L3MBTL4: variants seen among roughly 807,000 people sequenced by gnomAD.
L3MBTL4 encodes the protein L3MBTL histone methyl-lysine binding protein 4.
Under a neutral mutation model 84.5 loss-of-function variants are expected in L3MBTL4, and 70 were observed. The observed-to-expected ratio is 0.83, with a 90% CI of 0.68 to 1.01. The LOEUF is 1.01. L3MBTL4 is among the 50% of genes least tolerant of loss of function. The probability of loss-of-function intolerance (pLI) is 0.00; values close to 1 mark genes in which losing one functional copy is unlikely to be tolerated. For missense variants in L3MBTL4, 715 were observed against 754.8 expected (o/e 0.95, Z 0.62); for synonymous variants, 274 against 259.8 (o/e 1.05, Z -0.52).
intron 1 of L3MBTL4, among the ~76,000 whole-genome samples, chr18:6,355,185 A>G (rs190089038): frequency 1.1e-4 from 16 of 152,322 alleles, no homozygotes; most frequent in African/African-American, 3.6e-4. Flanking sequence ...TTAAATAACA[A>G]TATGGATTGT....
intron 13 of L3MBTL4, among the ~76,000 whole-genome samples, chr18:6,158,943 A>C (rs2043207764): frequency 6.6e-6 from 1 of 152,124 alleles, no homozygotes; most frequent in African/African-American, 2.4e-5. Context: ...TCCTCCTTGG[A>C]GGAAGGATCT....
At chr18:6,011,944 C>T (rs2054757963) in intron 16 of L3MBTL4, among the ~76,000 whole-genome samples, 1 of 152,232 alleles carries the variant, frequency 6.6e-6, no homozygotes, top group African/African-American at 2.4e-5. Context: ...GGCTGCTTTT[C>T]CGATTCCCAT....
At chr18:6,271,055 G>C (rs555530910) in intron 4 of L3MBTL4, among the ~76,000 whole-genome samples, 10 of 152,294 alleles carry the variant, frequency 6.6e-5, no homozygotes, top group Non-Finnish European at 1.5e-4. Flanking sequence ...GGGGCATGAG[G>C]GGAACGGTGA....
chr18:6,399,769 A>C (rs1310614487), intron 1 of L3MBTL4: 1 of 152,244 alleles, frequency 6.6e-6, no homozygotes, highest in African/African-American at 2.4e-5. Flanking sequence ...TATATGATAT[A>C]ATGAAATATT....
chr18:6,121,698 G>GTGTA (rs1484590343), intron 14 of L3MBTL4, among the ~76,000 whole-genome samples: 1 of 136,832 alleles, frequency 7.3e-6, no homozygotes, highest in Non-Finnish European at 1.5e-5. Context: ...GTGTGTGTGT[G>GTGTA]TGTGTGTGTG....
intron 12 of L3MBTL4, among the ~76,000 whole-genome samples, chr18:6,189,916 C>T (rs1022448619): frequency 6.6e-5 from 10 of 152,162 alleles, no homozygotes; most frequent in African/African-American, 1.7e-4. Flanking sequence ...AGATATGCAA[C>T]GATTATCCCA....
chr18:6,117,407 A>G (rs1026152926), intron 14 of L3MBTL4, among the ~76,000 whole-genome samples: 1 of 152,200 alleles, frequency 6.6e-6, no homozygotes, highest in Non-Finnish European at 1.5e-5. Flanking sequence ...GGAAGTTAAG[A>G]GACCTCCCAG....
chr18:6,329,155 T>TC (rs1441770629), intron 1 of L3MBTL4, among the ~76,000 whole-genome samples: 3 of 93,136 alleles, frequency 3.2e-5, no homozygotes, highest in African/African-American at 1.5e-4. Context: ...TCTTTTCTTT[T>TC]TTTTTTTTTT....
At chr18:6,234,667 T>A (rs990439081) in intron 10 of L3MBTL4, among the ~76,000 whole-genome samples, 12 of 152,116 alleles carry the variant, frequency 7.9e-5, no homozygotes, top group African/African-American at 2.7e-4. Flanking sequence ...TCAGGAAACA[T>A]CAAGTGCTGG....
At chr18:6,358,370 T>C (rs146870210) in intron 1 of L3MBTL4, among the ~76,000 whole-genome samples, 1 of 152,216 alleles carries the variant, frequency 6.6e-6, no homozygotes, top group Non-Finnish European at 1.5e-5. Context: ...GGCTCAGGGA[T>C]ACAGCCCTGG....
chr18:6,182,055 G>C (rs1231304225), intron 12 of L3MBTL4, among the ~76,000 whole-genome samples: 13 of 152,172 alleles, frequency 8.5e-5, no homozygotes, highest in Non-Finnish European at 1.8e-4. Flanking sequence ...TCTGCTTCGA[G>C]TTCTTTGAGA....
intron 16 of L3MBTL4, chr18:6,080,047 C>A (rs1026624359): frequency 2.0e-5 from 3 of 152,408 alleles, no homozygotes; most frequent in African/African-American, 7.2e-5. Context: ...GGCCTCCCGG[C>A]CCTTTTGTTC....
chr18:6,192,030 G>C (rs1220176276), intron 12 of L3MBTL4, among the ~76,000 whole-genome samples: 3 of 147,254 alleles, frequency 2.0e-5, no homozygotes, highest in Non-Finnish European at 3.0e-5. Flanking sequence ...AAGAAAGAAA[G>C]AAAAAGAGAA....
intron 10 of L3MBTL4, among the ~76,000 whole-genome samples, chr18:6,229,939 T>C (rs1425916274): frequency 1.3e-5 from 2 of 152,168 alleles, no homozygotes; most frequent in Non-Finnish European, 2.9e-5. Flanking sequence ...TTTTTCATGA[T>C]TGTATAGACT....
intron 16 of L3MBTL4, among the ~76,000 whole-genome samples, chr18:6,002,573 C>T (rs977270906): frequency 9.2e-5 from 14 of 151,952 alleles, no homozygotes; most frequent in South Asian, 4.2e-4. Flanking sequence ...TATATAGGAG[C>T]GGAATTTTTG....
intron 1 of L3MBTL4, among the ~76,000 whole-genome samples, chr18:6,355,559 A>G (rs1298975238): frequency 1.3e-5 from 2 of 152,178 alleles, no homozygotes; most frequent in South Asian, 2.1e-4. Context: ...ATGCTTATCA[A>G]TGTGAACAAT....
intron 12 of L3MBTL4, among the ~76,000 whole-genome samples, chr18:6,189,064 A>G (rs2044931859): frequency 6.6e-6 from 1 of 152,206 alleles, no homozygotes; most frequent in South Asian, 2.1e-4. Context: ...AAAGCATGGT[A>G]GGGCCACACT....
intron 17 of L3MBTL4, among the ~76,000 whole-genome samples, chr18:5,961,546 T>A (rs1342297815): frequency 6.6e-6 from 1 of 152,222 alleles, no homozygotes; most frequent in Non-Finnish European, 1.5e-5. Context: ...TGAGTCATTT[T>A]ACAATCTTCA....
chr18:6,189,838 A>G (rs1008428192), intron 12 of L3MBTL4, among the ~76,000 whole-genome samples: 3 of 152,198 alleles, frequency 2.0e-5, no homozygotes, highest in African/African-American at 7.2e-5. Context: ...AAGCACAAAA[A>G]GAAAAAAGAA....
Sources: gnomAD v4.1 joint callset for allele counts (sites outside exome capture counted in the v4.1 genomes callset) on GRCh38, gnomAD v4.1.1 for gene constraint, MANE v1.5 for transcripts, NCBI Gene and HGNC (gene_info 2026-07-23, HGNC 2026-07-21) for gene names.